TRIM36: variants seen among roughly 807,000 people sequenced by gnomAD.
The protein encoded by TRIM36 is E3 ubiquitin-protein ligase TRIM36.
A neutral mutation model predicts 72.4 loss-of-function variants in TRIM36; 42 were observed. The observed-to-expected ratio is 0.58, with a 90% CI of 0.45 to 0.75. The LOEUF is 0.75. TRIM36 is among the 30% of genes least tolerant of loss of function. The pLI is 0.00. For missense variants in TRIM36, 913 were observed against 857.1 expected (o/e 1.07, Z -0.81); for synonymous variants, 315 against 282.8 (o/e 1.11, Z -1.14).
intron 2 of TRIM36, chr5:115,148,273 C>T (rs1317943883): frequency 1.8e-5 from 16 of 894,810 alleles, no homozygotes; most frequent in Non-Finnish European, 2.1e-5. Flanking sequence ...TTAAACATCA[C>T]ATTTTTGTTC....
chr5:115,144,682 C>T lies in TRIM36; in HGVS notation c.651G>A (p.Arg217=), dbSNP rs764760502. 1 of 1,614,092 alleles carries T rather than the reference C, an allele frequency of 6.2e-7. No homozygotes were observed. Among genetic ancestry groups the T allele is most frequent in the South Asian group, 1.1e-5 (1 of 91,074 alleles). Residue 217 remains arginine, a synonymous_variant, in exon 4 of 10, where the codon AGG becomes AGA. Coordinates refer to ENST00000513154, the MANE Select transcript of TRIM36 (RefSeq NM_001300759.2). ...RINMYCELCR[R]PVCHLCKLGG... is the part of the protein sequence containing the mutation. ...CCAACTTACACAGATGGCAAACTGGCCTCCTACATAATTCACAGTACATGT... is the reference window on the plus strand; with the variant it reads ...CCAACTTACACAGATGGCAAACTGGTCTCCTACATAATTCACAGTACATGT...
chr5:115,130,757 T>C lies in TRIM36; in HGVS notation c.1631A>G (p.Tyr544Cys), dbSNP rs552426030. The C allele has an allele frequency of 5.6e-6, 9 of 1,614,188 alleles. No homozygotes were observed. The South Asian group carries it at 7.7e-5, about 14-fold the overall frequency. The change falls in exon 9 of 10, where the codon TAT (tyrosine) becomes TGT (cysteine). Residue 544 changes from tyrosine (Y) to cysteine (C), a missense_variant. Physicochemically the swap from Tyr to Cys is radical, Grantham distance 194. Transcript: ENST00000513154. ...AATGATGTAGTCTAAGCTTGTGTAA[T>C]AACCCACTTGGATGCGTTCTGCAGC... Reference protein sequence around the residue: ...LLAAERIQVGYYTSLDYIIGD... With the variant: ...LLAAERIQVGCYTSLDYIIGD...
At chr5:115,150,506 AAC>A (rs1415077154) in intron 2 of TRIM36, among the ~76,000 whole-genome samples, 2 of 152,174 alleles carry the variant, frequency 1.3e-5, no homozygotes, top group African/African-American at 2.4e-5. Context: ...GAAAAAGAAA[AAC>A]AGAGGGATCA....
At chr5:115,164,167 G>A (rs557741412) in intron 1 of TRIM36, among the ~76,000 whole-genome samples, 3 of 152,278 alleles carry the variant, frequency 2.0e-5, no homozygotes, top group Non-Finnish European at 4.4e-5. Flanking sequence ...AATTAACACT[G>A]TGACTGACAA....
intron 8 of TRIM36, 132 bp from the exon 9 acceptor site, chr5:115,131,021 C>G: frequency 1.0e-6 from 1 of 1,001,342 alleles, no homozygotes; most frequent in Non-Finnish European, 1.4e-6. Context: ...CTACCCCGGA[C>G]AACTATGACA....
At chr5:115,129,475 T>G (rs1752536512) in intron 9 of TRIM36, among the ~76,000 whole-genome samples, 1 of 152,142 alleles carries the variant, frequency 6.6e-6, no homozygotes, top group Non-Finnish European at 1.5e-5. Context: ...GAAGAATCGC[T>G]TGAACCCGGG....
intron 7 of TRIM36, among the ~76,000 whole-genome samples, chr5:115,136,106 C>T (rs1752951926): frequency 2.6e-5 from 4 of 151,826 alleles, no homozygotes; most frequent in Middle Eastern, 6.8e-3. Flanking sequence ...CTTCCCCAGT[C>T]CCCCAGACCC....
At chr5:115,142,532 CG>C (rs924915905) in intron 4 of TRIM36, among the ~76,000 whole-genome samples, 1 of 152,130 alleles carries the variant, frequency 6.6e-6, no homozygotes, top group African/African-American at 2.4e-5. Flanking sequence ...TGGCAGAATT[CG>C]GACACATGAT....
intron 1 of TRIM36, among the ~76,000 whole-genome samples, chr5:115,167,084 T>C (rs1001756514): frequency 8.5e-5 from 13 of 152,186 alleles, no homozygotes; most frequent in African/African-American, 2.7e-4. Flanking sequence ...ACAAGCCCAG[T>C]GGGCCTGAGC....
upstream of TRIM36, among the ~76,000 whole-genome samples, chr5:115,170,417 G>A (rs1417717782): frequency 2.0e-5 from 3 of 152,188 alleles, no homozygotes; most frequent in African/African-American, 4.8e-5. Flanking sequence ...GGGCGAGGGC[G>A]AGCCTAAGCC....
At chr5:115,170,503 C>T (rs553995607), upstream of TRIM36, among the ~76,000 whole-genome samples, 19 of 152,294 alleles carry the variant, frequency 1.2e-4, no homozygotes, top group African/African-American at 3.6e-4. Flanking sequence ...CCGCCCTCTC[C>T]GCGGTCCCTA....
At chr5:115,166,950 A>T (rs2126940001) in intron 1 of TRIM36, among the ~76,000 whole-genome samples, 1 of 152,198 alleles carries the variant, frequency 6.6e-6, no homozygotes, top group Non-Finnish European at 1.5e-5. Context: ...GGCTGTGCAC[A>T]CTGTACCCCG....
rs765756286 is a variant in TRIM36 at position 115,163,619 on chromosome 5, T to A, written c.161A>T (p.Asp54Val). 2.3e-5 allele frequency: 37 copies of A among 1,614,076 alleles called. No homozygotes were observed. The highest frequency in any genetic ancestry group is 2.9e-5 in the Non-Finnish European group (34 of 1,180,044). The change falls in exon 2 of 10, where the codon GAT becomes GTT. Residue 54 changes from aspartate (D) to valine (V), a missense_variant. By Grantham distance (152) the Asp-to-Val change is radical (BLOSUM62 -3). Transcript: ENST00000513154. The stretch of plus-strand genomic sequence containing the variant: ...GTCTGATCCCACATCGTTGAATGAA[T>A]CATCGAGAGTCAGCAGGAGTTCTTT... The part of the protein sequence containing the change: ...CVKELLLTLD[D>V]SFNDVGSDNS...
chr5:115,130,449 G>A (rs1752614510), intron 9 of TRIM36, 143 bp downstream of exon 9: 12 of 823,018 alleles, frequency 1.5e-5, no homozygotes, highest in Non-Finnish European at 2.2e-5. Context: ...AAGAATACCC[G>A]GCTCCTTTTC....
chr5:115,168,443 A>G (rs1402675386), intron 1 of TRIM36, among the ~76,000 whole-genome samples: 1 of 152,230 alleles, frequency 6.6e-6, no homozygotes, highest in African/African-American at 2.4e-5. Context: ...ATAACCTTGT[A>G]CAATCATTTC....
At chr5:115,133,810 G>A (rs1157166485) in intron 8 of TRIM36, 50 bp downstream of exon 8, 2 of 1,507,966 alleles carry the variant, frequency 1.3e-6, no homozygotes, top group South Asian at 1.4e-5. Flanking sequence ...TTTTATCAAG[G>A]TCTCTTGCAA....
At position 115,175,250 on chromosome 5, in the gene TRIM36, G is replaced by A. The variant is rs372049947; in HGVS notation, c.63+4725C>T. Among the ~76,000 whole-genome samples the A allele has an allele frequency of 1.3e-4, 20 of 152,038 alleles. No homozygotes were observed. The South Asian group carries it at 3.9e-3, about 30-fold the overall frequency. ...CTCCACTTCTTAATGATCACAATGT[G>A]GATATAAGGTGTCTCAAGGCCCAAC... On this transcript the variant is annotated intron_variant, in intron 1 of 9. Transcript: ENST00000282369.
At chr5:115,169,561 C>T in intron 1 of TRIM36, 47 bp downstream of exon 1, 1 of 1,489,606 alleles carries the variant, frequency 6.7e-7, no homozygotes, top group Non-Finnish European at 8.9e-7. Flanking sequence ...GAGCCGCGGT[C>T]GGCACACCGC....
chr5:115,169,858 C>T lies in TRIM36; in HGVS notation c.-224G>A, dbSNP rs905644611. Reference sequence around the variant, plus strand: ...AGCGAGCTTTGCTCCCAGCGACTACCCCGGGAATCCCGCCCAGCTGCCGGC... The same window carrying T: ...AGCGAGCTTTGCTCCCAGCGACTACTCCGGGAATCCCGCCCAGCTGCCGGC... On this transcript the variant is annotated 5_prime_UTR_variant, in exon 1 of 10. Transcript: ENST00000513154. 1.5e-6 allele frequency: 2 copies of T among 1,307,516 alleles called. No individual in the cohort carries two copies. The highest frequency in any genetic ancestry group is 1.9e-6 in the Non-Finnish European group (2 of 1,027,006). 81.0% of individuals were successfully genotyped at this position (1,307,516 alleles called of 1,614,324 possible). A position where few individuals can be genotyped will look rare whatever the true frequency, so the allele number is the denominator to read the frequency against.
Sources: gnomAD v4.1 joint callset for allele counts (sites outside exome capture counted in the v4.1 genomes callset) on GRCh38, gnomAD v4.1.1 for gene constraint, MANE v1.5 for transcripts, NCBI Gene and HGNC (gene_info 2026-07-23, HGNC 2026-07-21) for gene names.